NTN1: variants seen among roughly 807,000 people sequenced by gnomAD.
NTN1 encodes netrin-1.
NTN1 carries 11 observed loss-of-function variants against 54.2 expected under a neutral mutation model. The ratio of observed to expected loss-of-function variants is 0.20; its 90% CI spans 0.13 to 0.34. The LOEUF is 0.34. NTN1 is among the 10% of genes least tolerant of loss of function. NTN1 has a pLI of 1.00. For missense variants in NTN1, 740 were observed against 893.1 expected (o/e 0.83, Z 2.18); for synonymous variants, 371 against 382.0 (o/e 0.97, Z 0.33).
chr17:9,188,478 A>T (rs1428325838), intron 5 of NTN1, among the ~76,000 whole-genome samples: 11 of 27,576 alleles, frequency 4.0e-4, no homozygotes, highest in African/African-American at 1.6e-3. Flanking sequence ...TGCCACAATT[A>T]AAAAATAAAA....
At chr17:9,188,078 G>A (rs1756727605) in intron 5 of NTN1, among the ~76,000 whole-genome samples, 1 of 152,196 alleles carries the variant, frequency 6.6e-6, no homozygotes, top group African/African-American at 2.4e-5. Flanking sequence ...CTTGATAGTG[G>A]TGATGAGTTG....
rs1056641250 is a variant in NTN1, at chr17:9,239,461, C to G, written c.1487-179C>G. On this transcript the variant is annotated intron_variant, in intron 6 of 6. Transcript: ENST00000173229. The surrounding 1 kb of genome is among the most constrained non-coding windows in gnomAD (Gnocchi z 5.2). Reference sequence around the variant, plus strand: ...GCGTGGGAGGCAAGGCTTCTTGGCCCTGTTGTTAGCAGGTGGGGGTCTACG... The same window carrying G: ...GCGTGGGAGGCAAGGCTTCTTGGCCGTGTTGTTAGCAGGTGGGGGTCTACG... Among the ~76,000 whole-genome samples the G allele has an allele frequency of 2.6e-5, 4 of 152,170 alleles. No homozygotes were observed. The highest frequency in any genetic ancestry group is 9.7e-5 in the African/African-American group (4 of 41,436).
At chr17:9,146,853 T>C (rs1304189089) in intron 2 of NTN1, among the ~76,000 whole-genome samples, 7 of 152,168 alleles carry the variant, frequency 4.6e-5, no homozygotes, top group Non-Finnish European at 1.0e-4. Context: ...TGGGGTTGCT[T>C]ACTGTCCCCA....
chr17:9,218,768 T>C (rs1015956790), intron 5 of NTN1, among the ~76,000 whole-genome samples: 1 of 152,144 alleles, frequency 6.6e-6, no homozygotes, highest in East Asian at 1.9e-4. Flanking sequence ...AGAGCTGACA[T>C]GCTCAAAGGC....
intron 2 of NTN1, among the ~76,000 whole-genome samples, chr17:9,088,279 G>A (rs1014331070): frequency 6.6e-6 from 1 of 152,220 alleles, no homozygotes; most frequent in Non-Finnish European, 1.5e-5. Flanking sequence ...CCTCTTCCAT[G>A]ACTTGGAATT....
At chr17:9,202,501 C>G (rs1904828359) in intron 5 of NTN1, among the ~76,000 whole-genome samples, 3 of 152,170 alleles carry the variant, frequency 2.0e-5, no homozygotes, top group African/African-American at 7.2e-5. Flanking sequence ...TTTCCTAAAG[C>G]AAACCCGATA....
intron 2 of NTN1, among the ~76,000 whole-genome samples, chr17:9,083,103 TTTC>T (rs532713846): frequency 7.2e-4 from 109 of 152,128 alleles, no homozygotes; most frequent in African/African-American, 2.4e-3. Flanking sequence ...GGGTTTTTTT[TTTC>T]TTCTTCTTCT....
chr17:9,166,631 C>G (rs151116586), intron 3 of NTN1, among the ~76,000 whole-genome samples: 51 of 152,278 alleles, frequency 3.3e-4, no homozygotes, highest in South Asian at 2.3e-3. Flanking sequence ...TATGAGCCAC[C>G]GTGCTTGGCC....
intron 5 of NTN1, among the ~76,000 whole-genome samples, chr17:9,216,430 T>C (rs1420588011): frequency 6.6e-6 from 1 of 152,206 alleles, no homozygotes; most frequent in East Asian, 1.9e-4. Flanking sequence ...ATTTGGCATG[T>C]ACACCTATTG....
rs148327304 is a variant in NTN1 at position 9,141,168 on chromosome 17, A to G, written c.1019-21645A>G. Among the ~76,000 whole-genome samples the G allele has an allele frequency of 3.8e-3, 571 of 151,760 alleles. 5 individuals are homozygous for G. Among genetic ancestry groups the G allele is most frequent in the African/African-American group, 0.013 (551 of 41,388 alleles). ...CTCAAAGAAGATGTGGGGACTAGAG[A>G]TATATATTTGGGAGTCATTTCCCCC... On this transcript the variant is annotated intron_variant, in intron 2 of 6. Transcript: ENST00000173229.
intron 2 of NTN1, among the ~76,000 whole-genome samples, chr17:9,027,159 A>G (rs2151508250): frequency 6.6e-6 from 1 of 152,290 alleles, no homozygotes; most frequent in South Asian, 2.1e-4. Context: ...TCTTGCAAAA[A>G]TCAGAAAGCT....
intron 2 of NTN1, among the ~76,000 whole-genome samples, chr17:9,042,600 A>T (rs1422967283): frequency 1.3e-5 from 2 of 151,988 alleles, no homozygotes; most frequent in African/African-American, 4.8e-5. Flanking sequence ...CAGCCTGACC[A>T]ACATGGTGAA....
At chr17:9,083,970 A>G (rs2092081891) in intron 2 of NTN1, among the ~76,000 whole-genome samples, 1 of 152,194 alleles carries the variant, frequency 6.6e-6, no homozygotes, top group South Asian at 2.1e-4. Flanking sequence ...GTGGCTAATG[A>G]GAGCCACCGG....
chr17:9,023,112 A>G lies in NTN1; in HGVS notation c.739A>G (p.Ile247Val), dbSNP rs1190236557. ...VLQDWVTATDIRVAFSRLHTF... is the reference protein window; with the variant it reads ...VLQDWVTATDVRVAFSRLHTF... ...GCAGGACTGGGTCACGGCCACAGACATCCGCGTGGCCTTCAGCCGCCTGCA... is the reference window on the plus strand; with the variant it reads ...GCAGGACTGGGTCACGGCCACAGACGTCCGCGTGGCCTTCAGCCGCCTGCA... Residue 247 changes from isoleucine to valine, a missense_variant, in exon 2 of 7, where the codon ATC (isoleucine) becomes GTC (valine). By Grantham distance (29) the Ile-to-Val change is conservative. Transcript: ENST00000173229. The G allele has an allele frequency of 6.4e-7, 1 of 1,567,088 alleles. No individual in the cohort carries two copies. Among genetic ancestry groups the G allele is most frequent in the Non-Finnish European group, 8.6e-7 (1 of 1,156,522 alleles).
chr17:9,040,009 G>A (rs2091916308), intron 2 of NTN1, among the ~76,000 whole-genome samples: 1 of 152,214 alleles, frequency 6.6e-6, no homozygotes, highest in African/African-American at 2.4e-5. Flanking sequence ...ATACCTAAGA[G>A]TGGATTGGCT....
chr17:9,136,618 A>G (rs937152910), intron 2 of NTN1, among the ~76,000 whole-genome samples: 2 of 152,244 alleles, frequency 1.3e-5, no homozygotes, highest in Non-Finnish European at 2.9e-5. Flanking sequence ...AAAAAAGAGC[A>G]TAGTGTAACA....
intron 2 of NTN1, among the ~76,000 whole-genome samples, chr17:9,102,934 A>G (rs2092155109): frequency 6.6e-6 from 1 of 152,350 alleles, no homozygotes; most frequent in East Asian, 1.9e-4. Context: ...TGCTGTTGGC[A>G]GTCACGATAT....
rs2092278081 is a variant in NTN1, at chr17:9,135,520, ACT to A, written c.1019-27289_1019-27288del. ...ACCACTTAGTCCTCTTGACCATGAG[ACT>A]CTCCTAAGTTCTGAATGCAGAGGAT... On this transcript the variant is annotated intron_variant, in intron 2 of 6. Transcript: ENST00000173229. This position sits in a 1 kb window ranked among gnomAD's most constrained non-coding sequence, Gnocchi z 4.4. 6.6e-6 allele frequency among the ~76,000 whole-genome samples: 1 copy of A among 151,724 alleles called. No individual in the cohort carries two copies. Among genetic ancestry groups the A allele is most frequent in the Non-Finnish European group, 1.5e-5 (1 of 67,932 alleles).
intron 5 of NTN1, among the ~76,000 whole-genome samples, chr17:9,198,229 C>T (rs1904690396): frequency 6.6e-6 from 1 of 152,202 alleles, no homozygotes; most frequent in Non-Finnish European, 1.5e-5. Flanking sequence ...AGTCTAGCCT[C>T]AGCCTGATCA....
Sources: allele counts gnomAD v4.1 joint callset (sites outside exome capture counted in the v4.1 genomes callset), GRCh38; gene constraint gnomAD v4.1.1; non-coding constraint Gnocchi (gnomAD v3.1); transcripts MANE v1.5; gene names NCBI Gene and HGNC (gene_info 2026-07-23, HGNC 2026-07-21).